RAD54B: variants seen among roughly 807,000 people sequenced by gnomAD.
RAD54B encodes DNA repair and recombination protein RAD54B.
In RAD54B, 78 loss-of-function variants were observed where a neutral mutation model predicts 95.8. The ratio of observed to expected loss-of-function variants is 0.81; its 90% CI spans 0.68 to 0.98. RAD54B has a LOEUF of 0.98. RAD54B is among the 50% of genes least tolerant of loss of function. The pLI is 0.00. For synonymous variants in RAD54B, 328 were observed against 354.9 expected (o/e 0.92, Z 0.85); for missense variants, 957 against 1,056.6 (o/e 0.91, Z 1.31).
intron 8 of RAD54B, among the ~76,000 whole-genome samples, chr8:94,398,582 A>G (rs1447293828): frequency 1.3e-5 from 2 of 152,124 alleles, no homozygotes; most frequent in Non-Finnish European, 2.9e-5. Context: ...TCATATCCTG[A>G]CCATTCCTTC....
chr8:94,372,754 G>T (rs1393652166), intron 14 of RAD54B, among the ~76,000 whole-genome samples: 2 of 152,008 alleles, frequency 1.3e-5, no homozygotes, highest in African/African-American at 4.8e-5. Context: ...GAACAATCTG[G>T]GTCAGCATTC....
chr8:94,379,599 C>T (rs370823539), intron 12 of RAD54B, among the ~76,000 whole-genome samples: 1 of 152,172 alleles, frequency 6.6e-6, no homozygotes, highest in Admixed American at 6.5e-5. Context: ...TCTAGTGAAT[C>T]ATTAAACCTG....
At chr8:94,429,323 T>C (rs1001218143) in intron 3 of RAD54B, 3 of 458,554 alleles carry the variant, frequency 6.5e-6, no homozygotes, top group African/African-American at 4.3e-5. Flanking sequence ...ATTTTGTATA[T>C]ACATAATTTT....
chr8:94,454,517 T>C (rs561951317), intron 3 of RAD54B, among the ~76,000 whole-genome samples: 37 of 152,386 alleles, frequency 2.4e-4, no homozygotes, highest in African/African-American at 8.9e-4. Context: ...AGTTTCATGA[T>C]AGTAATATTT....
At chr8:94,442,480 CAGG>C (rs546393637) in intron 3 of RAD54B, among the ~76,000 whole-genome samples, 77 of 150,378 alleles carry the variant, frequency 5.1e-4, no homozygotes, top group African/African-American at 1.9e-3. Flanking sequence ...GAGGCTGAAG[CAGG>C]AGAATGGCGT....
intron 3 of RAD54B, among the ~76,000 whole-genome samples, chr8:94,441,960 G>A (rs758116781): frequency 8.6e-5 from 13 of 152,036 alleles, no homozygotes; most frequent in African/African-American, 1.4e-4. Context: ...AAATGTTTAC[G>A]AAACAGTCAA....
intron 3 of RAD54B, 125 bp from the exon 4 acceptor site, chr8:94,411,440 T>TTC: frequency 1.4e-6 from 1 of 721,638 alleles, no homozygotes; most frequent in Non-Finnish European, 2.1e-6. Context: ...TGAAAGAATA[T>TTC]TTGATCATAC....
At chr8:94,385,466 T>G (rs1431223886) in intron 11 of RAD54B, among the ~76,000 whole-genome samples, 1 of 152,200 alleles carries the variant, frequency 6.6e-6, no homozygotes, top group Non-Finnish European at 1.5e-5. Flanking sequence ...ACATGCCCTT[T>G]TGCACATAGC....
intron 1 of RAD54B, chr8:94,468,121 A>G (rs573529761): frequency 6.6e-6 from 1 of 152,326 alleles, no homozygotes; most frequent in East Asian, 1.9e-4. Flanking sequence ...CTTTTAATAC[A>G]TCTATGACTC....
intron 10 of RAD54B, among the ~76,000 whole-genome samples, chr8:94,391,391 C>T (rs1811014444): frequency 6.6e-6 from 1 of 150,456 alleles, no homozygotes. Context: ...GTACCTCAAA[C>T]TCATCTCTTC....
chr8:94,449,635 T>C lies in RAD54B; in HGVS notation c.304+8633A>G, dbSNP rs148996131. Among the ~76,000 whole-genome samples, 86 of 146,232 alleles carry C rather than the reference T, an allele frequency of 5.9e-4. No individual in the cohort carries two copies. In the East Asian group the frequency reaches 0.016, roughly 27 times the overall value. ...AAAAAAAAAAAAAAAAAGAAGGAAATGGTCTATACTCTGGAGAGAATTTGA... is the reference window on the plus strand; with the variant it reads ...AAAAAAAAAAAAAAAAAGAAGGAAACGGTCTATACTCTGGAGAGAATTTGA... On this transcript the variant is annotated intron_variant, in intron 3 of 14. Coordinates refer to ENST00000336148, the MANE Select transcript of RAD54B (RefSeq NM_012415.3).
At chr8:94,444,169 A>G (rs1812465052) in intron 3 of RAD54B, among the ~76,000 whole-genome samples, 1 of 152,198 alleles carries the variant, frequency 6.6e-6, no homozygotes, top group Admixed American at 6.5e-5. Flanking sequence ...GACACAAAAG[A>G]TAACAGTAGG....
intron 3 of RAD54B, among the ~76,000 whole-genome samples, chr8:94,423,507 C>T (rs535525394): frequency 1.3e-5 from 2 of 152,292 alleles, no homozygotes; most frequent in East Asian, 1.9e-4. Context: ...CTTTTATGAA[C>T]ATGTTCTTTC....
intron 11 of RAD54B, among the ~76,000 whole-genome samples, chr8:94,386,541 G>C (rs781426558): frequency 5.3e-5 from 8 of 151,856 alleles, no homozygotes; most frequent in Non-Finnish European, 1.2e-4. Context: ...AATATATATA[G>C]TCATCACACA....
intron 1 of RAD54B, among the ~76,000 whole-genome samples, chr8:94,469,868 T>A (rs914559645): frequency 1.3e-5 from 2 of 152,230 alleles, no homozygotes; most frequent in Admixed American, 1.3e-4. Context: ...TGGAATTTTT[T>A]AAAATATAAA....
chr8:94,462,104 A>C (rs1461260653), intron 2 of RAD54B, among the ~76,000 whole-genome samples: 1 of 152,042 alleles, frequency 6.6e-6, no homozygotes, highest in African/African-American at 2.4e-5. Flanking sequence ...CTCAATCTGG[A>C]TTTGTCTGAT....
At chr8:94,428,398 C>G in intron 3 of RAD54B, 8 of 827,424 alleles carry the variant, frequency 9.7e-6, no homozygotes, top group Non-Finnish European at 1.2e-5. Flanking sequence ...TCAGGACACC[C>G]CCTACCCCAT....
At chr8:94,397,097 A>G (rs1354966464) in intron 8 of RAD54B, among the ~76,000 whole-genome samples, 4 of 152,176 alleles carry the variant, frequency 2.6e-5, no homozygotes, top group Non-Finnish European at 5.9e-5. Flanking sequence ...CCCTCTATCA[A>G]TCAAACTGAA....
intron 3 of RAD54B, among the ~76,000 whole-genome samples, chr8:94,437,950 G>A (rs537378596): frequency 6.6e-6 from 1 of 152,128 alleles, no homozygotes; most frequent in African/African-American, 2.4e-5. Flanking sequence ...TATTTTTCCA[G>A]ATAGGGGAAT....
Sources: gnomAD v4.1 joint callset for allele counts (sites outside exome capture counted in the v4.1 genomes callset) on GRCh38, gnomAD v4.1.1 for gene constraint, MANE v1.5 for transcripts, NCBI Gene and HGNC (gene_info 2026-07-23, HGNC 2026-07-21) for gene names.